Variants in IGF1R observed in about 807,000 individuals in gnomAD.
IGF1R encodes the protein insulin-like growth factor 1 receptor.
IGF1R carries 44 observed loss-of-function variants against 144.6 expected under a neutral mutation model. That is an observed-to-expected ratio of 0.30 (90% CI 0.24 to 0.39). The LOEUF is 0.39. Among genes scored for constraint, IGF1R ranks in the 10% least tolerant of loss-of-function variants. IGF1R has a pLI of 1.00. For missense variants in IGF1R, 1,355 were observed against 1,833.7 expected (o/e 0.74, Z 4.77); for synonymous variants, 795 against 722.8 (o/e 1.10, Z -1.60).
intron 15 of IGF1R, among the ~76,000 whole-genome samples, chr15:98,934,321 T>C (rs143120167): frequency 1.2e-3 from 180 of 152,280 alleles, no homozygotes; most frequent in Non-Finnish European, 2.2e-3. Flanking sequence ...ACCTCTCATA[T>C]GTGACTCTGG....
chr15:98,786,122 G>C (rs2055989218), intron 2 of IGF1R, among the ~76,000 whole-genome samples: 1 of 152,174 alleles, frequency 6.6e-6, no homozygotes, highest in Non-Finnish European at 1.5e-5. Flanking sequence ...GTTAATCTCA[G>C]ACATGGAAAG....
At chr15:98,798,578 A>C (rs2056297628) in intron 2 of IGF1R, among the ~76,000 whole-genome samples, 1 of 152,140 alleles carries the variant, frequency 6.6e-6, no homozygotes, top group South Asian at 2.1e-4. Flanking sequence ...ACCTTAGACC[A>C]GGATGGTGGA....
At chr15:98,854,717 C>T (rs1458705171) in intron 2 of IGF1R, among the ~76,000 whole-genome samples, 1 of 152,176 alleles carries the variant, frequency 6.6e-6, no homozygotes, top group Non-Finnish European at 1.5e-5. Context: ...AAGAGGATTT[C>T]TCCTGTTCAG....
chr15:98,933,467 C>A (rs1328264604), intron 15 of IGF1R, among the ~76,000 whole-genome samples: 1 of 152,108 alleles, frequency 6.6e-6, no homozygotes, highest in Non-Finnish European at 1.5e-5. Context: ...CCTCAGCCCC[C>A]TGAGTAGCTG....
intron 1 of IGF1R, among the ~76,000 whole-genome samples, chr15:98,688,642 G>A: frequency 6.6e-6 from 1 of 151,822 alleles, no homozygotes. Context: ...TCACCCAATT[G>A]CTCTTAAGTC....
intron 2 of IGF1R, among the ~76,000 whole-genome samples, chr15:98,784,009 T>C (rs6598546): frequency 1 from 133,207 of 133,228 alleles, 66,593 homozygotes; most frequent in Middle Eastern, 1. Context: ...GAGTCTCCCT[T>C]TGTTGCCCAG....
At chr15:98,769,217 C>G (rs60146747) in intron 2 of IGF1R, among the ~76,000 whole-genome samples, 1 of 152,096 alleles carries the variant, frequency 6.6e-6, no homozygotes, top group Non-Finnish European at 1.5e-5. Flanking sequence ...AGTAACATTT[C>G]TGTACCTTTG....
chr15:98,928,225 A>G (rs898151431), intron 13 of IGF1R, among the ~76,000 whole-genome samples: 6 of 152,076 alleles, frequency 3.9e-5, no homozygotes, highest in Admixed American at 1.3e-4. Context: ...TATGAGCCTC[A>G]TCCTGGGGCC....
chr15:98,761,749 T>A (rs1175211960), intron 2 of IGF1R, among the ~76,000 whole-genome samples: 1 of 152,224 alleles, frequency 6.6e-6, no homozygotes, highest in Non-Finnish European at 1.5e-5. Flanking sequence ...TCTGTAAGTA[T>A]CTCCATATTC....
intron 2 of IGF1R, among the ~76,000 whole-genome samples, chr15:98,814,121 A>T (rs1310240999): frequency 6.6e-6 from 1 of 152,200 alleles, no homozygotes; most frequent in African/African-American, 2.4e-5. Context: ...CTCATTGAGC[A>T]CTGGGTTATT....
At chr15:98,870,132 G>A (rs1283751767) in intron 2 of IGF1R, among the ~76,000 whole-genome samples, 4 of 152,146 alleles carry the variant, frequency 2.6e-5, no homozygotes, top group East Asian at 1.9e-4. Flanking sequence ...CCATCCAACC[G>A]TTTTTATGTG....
intron 2 of IGF1R, among the ~76,000 whole-genome samples, chr15:98,826,057 AGTT>A (rs2056889629): frequency 6.6e-6 from 1 of 152,208 alleles, no homozygotes; most frequent in Non-Finnish European, 1.5e-5. Flanking sequence ...GTGTGTGTAG[AGTT>A]GTTAGGCTGG....
At chr15:98,743,126 T>C (rs1299517041) in intron 2 of IGF1R, among the ~76,000 whole-genome samples, 1 of 152,210 alleles carries the variant, frequency 6.6e-6, no homozygotes, top group African/African-American at 2.4e-5. Context: ...TGACTAGTCC[T>C]AATGTGTTCT....
At chr15:98,741,451 G>A (rs4966020) in intron 2 of IGF1R, among the ~76,000 whole-genome samples, 82,948 of 151,852 alleles carry the variant, frequency 0.55, 23,765 homozygotes, top group Non-Finnish European at 0.64. Context: ...AGCAGGTAGT[G>A]GGAGGCTGTG....
rs554173550 is a variant in IGF1R at position 98,785,777 on chromosome 15, C to T, written c.640+77670C>T. 2.6e-5 allele frequency among the ~76,000 whole-genome samples: 4 copies of T among 152,208 alleles called. No individual in the cohort carries two copies. In the South Asian group the frequency reaches 8.3e-4, roughly 32 times the overall value. ...GAGCTCAGGAAGTGATCCCCACCCA[C>T]CTCAAGCAGTAAAGGAAAGAGAGGC... On this transcript the variant is annotated intron_variant, in intron 2 of 20. Transcript: ENST00000650285.
chr15:98,783,617 G>A (rs1322806657), intron 2 of IGF1R, among the ~76,000 whole-genome samples: 3 of 152,234 alleles, frequency 2.0e-5, no homozygotes, highest in South Asian at 2.1e-4. Context: ...TTGTAGTCCT[G>A]TGTATGTTTT....
At chr15:98,688,084 G>GC (rs2053375663) in intron 1 of IGF1R, among the ~76,000 whole-genome samples, 1 of 152,102 alleles carries the variant, frequency 6.6e-6, no homozygotes, top group East Asian at 1.9e-4. Flanking sequence ...AGTGATTGAG[G>GC]CCCCCTGCCT....
intron 1 of IGF1R, among the ~76,000 whole-genome samples, chr15:98,672,561 C>T (rs1220240954): frequency 2.2e-5 from 3 of 134,386 alleles, no homozygotes; most frequent in African/African-American, 9.3e-5. Flanking sequence ...CAGAGCAAGA[C>T]TCCATCTCAA....
chr15:98,948,191 T>C (rs924177875), intron 19 of IGF1R, among the ~76,000 whole-genome samples: 1 of 152,152 alleles, frequency 6.6e-6, no homozygotes, highest in Non-Finnish European at 1.5e-5. Flanking sequence ...AAGAATGTCA[T>C]TCTTTTTGGG....
Sources: allele counts gnomAD v4.1 joint callset (sites outside exome capture counted in the v4.1 genomes callset), GRCh38; gene constraint gnomAD v4.1.1; transcripts MANE v1.5; gene names NCBI Gene and HGNC (gene_info 2026-07-23, HGNC 2026-07-21).